Variants in ALDH18A1 observed in about 807,000 individuals in gnomAD.
ALDH18A1 encodes aldehyde dehydrogenase 18 family member A1.
Under a neutral mutation model 88.8 loss-of-function variants are expected in ALDH18A1, and 44 were observed. The ratio of observed to expected loss-of-function variants is 0.50; its 90% CI spans 0.39 to 0.64. The LOEUF (loss-of-function observed/expected upper bound fraction) is 0.64. Among genes scored for constraint, ALDH18A1 ranks in the 30% least tolerant of loss-of-function variants. The probability of loss-of-function intolerance (pLI) is 0.00; values close to 1 mark genes in which losing one functional copy is unlikely to be tolerated. For synonymous variants in ALDH18A1, 331 were observed against 372.1 expected (o/e 0.89, Z 1.27); for missense variants, 782 against 1,009.5 (o/e 0.77, Z 3.05).
intron 8 of ALDH18A1, 89 bp from the exon 9 acceptor site, chr10:95,627,675 G>GTTCA: frequency 6.8e-7 from 1 of 1,477,272 alleles, no homozygotes; most frequent in Non-Finnish European, 9.4e-7. Context: ...AATACAAGTT[G>GTTCA]ATATTGAACA....
intron 2 of ALDH18A1, among the ~76,000 whole-genome samples, chr10:95,648,428 T>C (rs1776716218): frequency 6.6e-6 from 1 of 152,252 alleles, no homozygotes; most frequent in Middle Eastern, 3.4e-3. Context: ...TTATTATTAT[T>C]ATCCCCATTT....
At chr10:95,624,354 T>C (rs980012654) in intron 11 of ALDH18A1, among the ~76,000 whole-genome samples, 9 of 152,198 alleles carry the variant, frequency 5.9e-5, no homozygotes, top group African/African-American at 2.2e-4. Flanking sequence ...CTTAATTCTT[T>C]TACTTTAAAT....
intron 3 of ALDH18A1, 69 bp from the exon 4 acceptor site, chr10:95,637,505 G>A (rs1255771117): frequency 3.2e-5 from 51 of 1,589,638 alleles, no homozygotes; most frequent in Non-Finnish European, 4.3e-5. Flanking sequence ...CACAAGGGAT[G>A]GAGGTAGGGT....
In ALDH18A1 at chr10:95,606,559, T is replaced by A. The variant is rs1048243320; in HGVS notation, c.*203A>T. 15 of 1,420,932 alleles carry A rather than the reference T, an allele frequency of 1.1e-5. No homozygotes were observed. Among genetic ancestry groups the A allele is most frequent in the East Asian group, 5.2e-5 (2 of 38,516 alleles). The allele number at this position is 1,420,932 out of a possible 1,614,324, so 88.0% of individuals were successfully genotyped here. On this transcript the variant is annotated 3_prime_UTR_variant, in exon 18 of 18. Transcript: ENST00000371224. ...ATCGGTAGCAACTATTTTCTTACTTTAAAAAAAAAGGGTGAGCTGGGAGCC... is the reference window on the plus strand; with the variant it reads ...ATCGGTAGCAACTATTTTCTTACTTAAAAAAAAAAGGGTGAGCTGGGAGCC...
intron 15 of ALDH18A1, among the ~76,000 whole-genome samples, chr10:95,612,712 C>G (rs2097837427): frequency 6.6e-6 from 1 of 152,186 alleles, no homozygotes; most frequent in African/African-American, 2.4e-5. Flanking sequence ...CAAATTAGGT[C>G]TGGGGAGGGA....
intron 2 of ALDH18A1, among the ~76,000 whole-genome samples, chr10:95,649,531 T>A (rs538118220): frequency 4.7e-4 from 72 of 151,818 alleles, no homozygotes; most frequent in Admixed American, 1.9e-3. Flanking sequence ...ATTTTTTGTG[T>A]TTTTTAGTAC....
At position 95,613,785 on chromosome 10, in the gene ALDH18A1, G is replaced by A. The variant is rs991870202; in HGVS notation, c.1880C>T (p.Thr627Ile). 9 of 1,614,002 alleles carry A rather than the reference G, an allele frequency of 5.6e-6. No individual in the cohort carries two copies. The highest frequency in any genetic ancestry group is 6.8e-6 in the Non-Finnish European group (8 of 1,180,016). Residue 627 changes from threonine (T) to isoleucine (I), a missense_variant, in exon 15 of 18, where the codon ACA becomes ATA. Thr to Ile is a moderately conservative substitution (Grantham distance 89, BLOSUM62 -1). Transcript: ENST00000371224. ...TLLIHRDLLR[T>I]PLFDQIIDML... ...ATCAATGATCTGGTCAAATAATGGT[G>A]TCCTGAGCAGATCCCGGTGGATTAA...
intron 1 of ALDH18A1, 73 bp from the exon 2 acceptor site, chr10:95,653,478 C>A (rs2097913537): frequency 3.1e-6 from 4 of 1,287,884 alleles, no homozygotes; most frequent in Non-Finnish European, 3.3e-6. Flanking sequence ...CTCTACTTCC[C>A]CTTACCCTCG....
intron 2 of ALDH18A1, among the ~76,000 whole-genome samples, chr10:95,651,000 G>C (rs535499931): frequency 1.1e-4 from 17 of 152,148 alleles, no homozygotes; most frequent in African/African-American, 3.1e-4. Flanking sequence ...TGGGCATGGT[G>C]GTGGGCACCT....
chr10:95,641,411 A>T (rs935410170), intron 3 of ALDH18A1, among the ~76,000 whole-genome samples: 2 of 151,268 alleles, frequency 1.3e-5, no homozygotes, highest in African/African-American at 4.9e-5. Flanking sequence ...CTCACAGTGT[A>T]GTCTCTTGAT....
At chr10:95,639,721 G>C (rs1291340465) in intron 3 of ALDH18A1, among the ~76,000 whole-genome samples, 2 of 151,866 alleles carry the variant, frequency 1.3e-5, no homozygotes, top group Non-Finnish European at 2.9e-5. Context: ...ATTAAACCCT[G>C]CATTACAAAT....
chr10:95,655,891 C>A (rs1486240140), intron 1 of ALDH18A1, among the ~76,000 whole-genome samples: 1 of 152,164 alleles, frequency 6.6e-6, no homozygotes, highest in East Asian at 1.9e-4. Flanking sequence ...ACCTCAGTCC[C>A]AGCACAGTTC....
intron 2 of ALDH18A1, among the ~76,000 whole-genome samples, chr10:95,644,633 C>T (rs1319364411): frequency 6.6e-6 from 1 of 152,190 alleles, no homozygotes; most frequent in Admixed American, 6.5e-5. Flanking sequence ...TACCAGATCC[C>T]CAAGTATTAG....
chr10:95,632,436 G>A (rs2097871922), intron 7 of ALDH18A1, among the ~76,000 whole-genome samples: 1 of 152,226 alleles, frequency 6.6e-6, no homozygotes, highest in Admixed American at 6.5e-5. Context: ...CACGATAACA[G>A]CTCACTGCAG....
chr10:95,628,602 C>T, intron 7 of ALDH18A1, 110 bp from the exon 8 acceptor site: 1 of 1,322,320 alleles, frequency 7.6e-7, no homozygotes, highest in Non-Finnish European at 1.1e-6. Context: ...CAAATGAATT[C>T]CACTGCACTA....
chr10:95,620,404 C>G (rs1014919455), intron 12 of ALDH18A1, among the ~76,000 whole-genome samples: 2 of 152,152 alleles, frequency 1.3e-5, no homozygotes, highest in Non-Finnish European at 2.9e-5. Context: ...ACTAGAAATA[C>G]GATTTGACCC....
intron 15 of ALDH18A1, among the ~76,000 whole-genome samples, chr10:95,612,898 A>T (rs2097837879): frequency 6.6e-6 from 1 of 152,188 alleles, no homozygotes; most frequent in Admixed American, 6.5e-5. Flanking sequence ...TTCATTTTTA[A>T]AACAATTCTT....
intron 17 of ALDH18A1, among the ~76,000 whole-genome samples, chr10:95,608,847 G>A (rs1218259204): frequency 3.9e-5 from 6 of 152,152 alleles, no homozygotes; most frequent in Non-Finnish European, 8.8e-5. Context: ...TTCAGAAAAC[G>A]TGTCATAAAT....
intron 5 of ALDH18A1, among the ~76,000 whole-genome samples, chr10:95,635,663 G>A (rs944717914): frequency 6.6e-6 from 1 of 152,224 alleles, no homozygotes; most frequent in African/African-American, 2.4e-5. Context: ...ACACAGGTGT[G>A]AGAGGAAAGA....
Sources: allele counts gnomAD v4.1 joint callset (sites outside exome capture counted in the v4.1 genomes callset), GRCh38; gene constraint gnomAD v4.1.1; transcripts MANE v1.5; gene names NCBI Gene and HGNC (gene_info 2026-07-23, HGNC 2026-07-21).